FRMD6: variants seen among roughly 807,000 people sequenced by gnomAD.
FRMD6 encodes the protein FERM domain containing 6, also known as FERM domain-containing protein 6.
In FRMD6, 37 loss-of-function variants were observed where a neutral mutation model predicts 73.2. The ratio of observed to expected loss-of-function variants is 0.51; its 90% CI spans 0.39 to 0.66. The LOEUF (loss-of-function observed/expected upper bound fraction) is 0.66, where lower values mean the gene tolerates loss of function less well. FRMD6 is among the 30% of genes least tolerant of loss of function. FRMD6 has a pLI of 0.00. For missense variants in FRMD6, 714 were observed against 780.5 expected, an observed-to-expected ratio of 0.91 and a Z score of 1.02; for synonymous variants, 273 against 282.2, an observed-to-expected ratio of 0.97 and a Z score of 0.33.
chr14:51,607,257 T>G lies in FRMD6; in HGVS notation c.-147+36847T>G, dbSNP rs72622448. Among the ~76,000 whole-genome samples the G allele has an allele frequency of 4.6e-3, 701 of 152,234 alleles. 19 individuals carry two copies. In the East Asian group the frequency reaches 0.071, roughly 15 times the overall value. On this transcript the variant is annotated intron_variant, in intron 2 of 14. Coordinates refer to the FRMD6 transcript ENST00000356218. ...ATGGAAGAAAGGGGTGACCACCCTTTCTTCATCCATGTATGTGCAGGATCA... is the reference window on the plus strand; with the variant it reads ...ATGGAAGAAAGGGGTGACCACCCTTGCTTCATCCATGTATGTGCAGGATCA...
chr14:51,449,950 C>T, the FRMD6 span, among the ~76,000 whole-genome samples: 7 of 152,306 alleles, frequency 4.6e-5, no homozygotes, highest in South Asian at 2.1e-4. Flanking sequence ...CAGCGATTTC[C>T]ATCTGGGCCT....
chr14:51,698,122 C>T lies in FRMD6; in HGVS notation c.100-20C>T, dbSNP rs748108678. On this transcript the variant is annotated intron_variant, in intron 2 of 13. Coordinates refer to ENST00000344768, the MANE Select transcript of FRMD6 (RefSeq NM_001267046.2). ...ACTTAGTTGAATTGTTATTTTACGT[C>T]GTGCCTTTTTCCCCTACAGGTTAAG... 19 of 1,575,598 alleles carry T rather than the reference C, an allele frequency of 1.2e-5. No individual in the cohort carries two copies. In the East Asian group the frequency reaches 3.8e-4, roughly 32 times the overall value.
At chr14:51,683,745 G>T (rs759441655) in intron 1 of FRMD6, among the ~76,000 whole-genome samples, 5 of 152,130 alleles carry the variant, frequency 3.3e-5, no homozygotes, top group Non-Finnish European at 5.9e-5. Flanking sequence ...GTAACTTACC[G>T]AAGGTCACAC....
chr14:51,698,579 A>C (rs1896096499), intron 3 of FRMD6, among the ~76,000 whole-genome samples: 1 of 152,120 alleles, frequency 6.6e-6, no homozygotes, highest in Non-Finnish European at 1.5e-5. Context: ...ATACTTAGGA[A>C]AGTAATTTAA....
intron 2 of FRMD6, among the ~76,000 whole-genome samples, chr14:51,609,642 A>G (rs1178645617): frequency 6.6e-6 from 1 of 152,174 alleles, no homozygotes; most frequent in African/African-American, 2.4e-5. Flanking sequence ...AGCATGTTTG[A>G]GATGGGATGA....
chr14:51,710,244 G>A (rs1326368185), intron 7 of FRMD6, among the ~76,000 whole-genome samples: 1 of 152,062 alleles, frequency 6.6e-6, no homozygotes, highest in Non-Finnish European at 1.5e-5. Flanking sequence ...AAAGATATTG[G>A]CTGATTCACA....
At chr14:51,721,488 C>T (rs10151773) in intron 11 of FRMD6, among the ~76,000 whole-genome samples, 43,346 of 151,876 alleles carry the variant, frequency 0.29, 6,643 homozygotes, top group African/African-American at 0.39. Context: ...CGCGCGTCTT[C>T]AGTCCCAGCT....
intron 1 of FRMD6, among the ~76,000 whole-genome samples, chr14:51,670,990 G>A (rs770321044): frequency 6.6e-6 from 1 of 152,080 alleles, no homozygotes; most frequent in African/African-American, 2.4e-5. Context: ...TTTATCAGCT[G>A]TTTTTCTGCA....
intron 1 of FRMD6, among the ~76,000 whole-genome samples, chr14:51,652,676 A>T (rs1892511044): frequency 6.6e-6 from 1 of 152,050 alleles, no homozygotes; most frequent in Non-Finnish European, 1.5e-5. Flanking sequence ...GTGAGATACG[A>T]GTTGGGGGTG....
upstream of FRMD6, chr14:51,650,951 T>C (rs1486950147): frequency 6.6e-6 from 1 of 152,008 alleles, no homozygotes; most frequent in African/African-American, 2.4e-5. Flanking sequence ...GCTGGGTGTC[T>C]CTCCTTTCGT....
intron 1 of FRMD6, among the ~76,000 whole-genome samples, chr14:51,663,274 A>C (rs1364658820): frequency 6.6e-6 from 1 of 152,238 alleles, no homozygotes. Flanking sequence ...TATATACCCA[A>C]AGGAATATAA....
At chr14:51,535,612 TG>T (rs1227940737) in intron 1 of FRMD6, among the ~76,000 whole-genome samples, 1 of 152,258 alleles carries the variant, frequency 6.6e-6, no homozygotes, top group African/African-American at 2.4e-5. Context: ...CACATTTTGT[TG>T]ATCCATTCAC....
chr14:51,572,023 T>G (rs2139596245), intron 2 of FRMD6, among the ~76,000 whole-genome samples: 1 of 152,192 alleles, frequency 6.6e-6, no homozygotes, highest in South Asian at 2.1e-4. Context: ...CTATGAAGGT[T>G]TGTTATTATG....
At chr14:51,629,458 A>G (rs1218512082) in intron 2 of FRMD6, among the ~76,000 whole-genome samples, 1 of 152,176 alleles carries the variant, frequency 6.6e-6, no homozygotes, top group Non-Finnish European at 1.5e-5. Flanking sequence ...TCTAAAATAA[A>G]ATATATTTTA....
intron 2 of FRMD6, among the ~76,000 whole-genome samples, chr14:51,609,253 T>C (rs1890391584): frequency 6.6e-6 from 1 of 152,202 alleles, no homozygotes; most frequent in African/African-American, 2.4e-5. Context: ...AGCTAATAAA[T>C]GGAGTCATTC....
chr14:51,652,042 C>G (rs1028318703), intron 1 of FRMD6, 46 bp downstream of exon 1: 3 of 152,228 alleles, frequency 2.0e-5, no homozygotes, highest in African/African-American at 7.2e-5. Flanking sequence ...CTCGCCCCAT[C>G]GCTCAGCCGC....
At chr14:51,542,236 C>T (rs1886237842) in intron 1 of FRMD6, among the ~76,000 whole-genome samples, 1 of 152,028 alleles carries the variant, frequency 6.6e-6, no homozygotes. Context: ...CTTTCAAAAA[C>T]ATTTTATCAC....
chr14:51,619,784 C>G (rs1385600966), intron 2 of FRMD6, among the ~76,000 whole-genome samples: 2 of 152,130 alleles, frequency 1.3e-5, no homozygotes, highest in Non-Finnish European at 2.9e-5. Flanking sequence ...TCTGACATAT[C>G]TCAACAGCTG....
chr14:51,596,753 G>T (rs570035813), intron 2 of FRMD6, among the ~76,000 whole-genome samples: 34 of 152,218 alleles, frequency 2.2e-4, no homozygotes, highest in African/African-American at 7.9e-4. Context: ...CCACCGCCTG[G>T]TTCAAAAGTT....
Sources: allele counts gnomAD v4.1 joint callset (sites outside exome capture counted in the v4.1 genomes callset), GRCh38; gene constraint gnomAD v4.1.1; transcripts MANE v1.5; gene names NCBI Gene and HGNC (gene_info 2026-07-23, HGNC 2026-07-21).